The following NTM variants were observed in gnomAD, a reference collection of about 807,000 sequenced individuals.
The protein encoded by NTM is IgLON family member 2.
NTM carries 13 observed loss-of-function variants against 42.1 expected under a neutral mutation model. The ratio of observed to expected loss-of-function variants is 0.31; its 90% CI spans 0.20 to 0.49. NTM has a LOEUF of 0.49. Ranked by LOEUF, NTM falls within the 20% of genes least tolerant of loss-of-function variation. NTM has a pLI of 0.99. For synonymous variants in NTM, 187 were observed against 179.2 expected (o/e 1.04, Z -0.35); for missense variants, 373 against 452.8 (o/e 0.82, Z 1.60).
intron 4 of NTM, among the ~76,000 whole-genome samples, chr11:132,221,706 C>G (rs776988149): frequency 6.6e-6 from 1 of 152,186 alleles, no homozygotes; most frequent in African/African-American, 2.4e-5. Context: ...TAAATGTGCT[C>G]TGTGCCCAGC....
At chr11:132,320,900 C>A (rs1406607647) in intron 7 of NTM, among the ~76,000 whole-genome samples, 1 of 150,856 alleles carries the variant, frequency 6.6e-6, no homozygotes, top group Non-Finnish European at 1.5e-5. Flanking sequence ...TGGGAGGCAC[C>A]CCCCAGCAGG....
chr11:131,432,685 C>T (rs186636298), intron 1 of NTM, among the ~76,000 whole-genome samples: 3 of 152,124 alleles, frequency 2.0e-5, no homozygotes, highest in African/African-American at 7.2e-5. Flanking sequence ...ACTTTACTCT[C>T]CTCATCCAAG....
At chr11:131,890,771 C>T (rs748163774) in intron 1 of NTM, among the ~76,000 whole-genome samples, 4 of 152,146 alleles carry the variant, frequency 2.6e-5, no homozygotes, top group Non-Finnish European at 5.9e-5. Context: ...GCCACCCGGA[C>T]GCATGCTAAG....
chr11:131,912,347 A>G (rs2055312725), intron 2 of NTM, among the ~76,000 whole-genome samples: 1 of 152,152 alleles, frequency 6.6e-6, no homozygotes, highest in Admixed American at 6.5e-5. Flanking sequence ...TCTACTGAAG[A>G]GAAACTAGGT....
chr11:131,588,834 G>T (rs759904346), intron 1 of NTM, among the ~76,000 whole-genome samples: 3 of 152,174 alleles, frequency 2.0e-5, no homozygotes, highest in Non-Finnish European at 4.4e-5. Context: ...TGTTAAATGG[G>T]GTAAAGACAT....
At chr11:131,721,461 T>C (rs1005856600) in intron 1 of NTM, among the ~76,000 whole-genome samples, 2 of 152,258 alleles carry the variant, frequency 1.3e-5, no homozygotes, top group East Asian at 3.9e-4. Context: ...AATGAGATAA[T>C]GCTTATACTA....
At chr11:132,149,163 A>G (rs577792247) in intron 3 of NTM, among the ~76,000 whole-genome samples, 1 of 151,814 alleles carries the variant, frequency 6.6e-6, no homozygotes, top group Non-Finnish European at 1.5e-5. Context: ...AAGCGATCAG[A>G]CAAACTAAAT....
chr11:131,847,603 C>T (rs913012663), intron 1 of NTM, among the ~76,000 whole-genome samples: 21 of 152,094 alleles, frequency 1.4e-4, no homozygotes, highest in African/African-American at 4.8e-4. Flanking sequence ...TCCCTCTTCT[C>T]CCCACTTGTT....
chr11:131,671,424 C>G (rs2070209140), intron 1 of NTM: 2 of 985,350 alleles, frequency 2.0e-6, no homozygotes, highest in African/African-American at 1.7e-5. Context: ...GGATCCACCA[C>G]AGCTCCTGCT....
intron 1 of NTM, among the ~76,000 whole-genome samples, chr11:131,607,675 C>T (rs1339845208): frequency 6.6e-6 from 1 of 152,098 alleles, no homozygotes; most frequent in Non-Finnish European, 1.5e-5. Context: ...AACACTCATG[C>T]TTTTGTCTAT....
At chr11:131,834,364 C>T (rs2043201440) in intron 1 of NTM, among the ~76,000 whole-genome samples, 1 of 152,054 alleles carries the variant, frequency 6.6e-6, no homozygotes, top group Admixed American at 6.6e-5. Flanking sequence ...TCCATGGTTT[C>T]TGCATCTAAC....
intron 3 of NTM, among the ~76,000 whole-genome samples, chr11:132,206,772 C>T (rs1037903310): frequency 6.6e-6 from 1 of 152,200 alleles, no homozygotes; most frequent in African/African-American, 2.4e-5. Flanking sequence ...ACCTGTTTCT[C>T]ATTTGTTGAG....
intron 6 of NTM, among the ~76,000 whole-genome samples, chr11:132,311,242 G>GTCTC (rs1260026121): frequency 6.6e-6 from 1 of 152,170 alleles, no homozygotes; most frequent in Non-Finnish European, 1.5e-5. Context: ...GCTCTTTCTA[G>GTCTC]TCTCTAGATC....
chr11:131,979,578 A>C (rs1222708221), intron 2 of NTM, among the ~76,000 whole-genome samples: 3 of 152,206 alleles, frequency 2.0e-5, no homozygotes, highest in African/African-American at 4.8e-5. Context: ...TAATTAAGAT[A>C]TGATCTGCCA....
chr11:131,515,658 C>G (rs975555925), intron 1 of NTM, among the ~76,000 whole-genome samples: 18 of 152,182 alleles, frequency 1.2e-4, no homozygotes, highest in Non-Finnish European at 2.4e-4. Context: ...GCCTTGGAAG[C>G]CAACCCTGGT....
chr11:132,127,841 A>G (rs2066113130), intron 2 of NTM, among the ~76,000 whole-genome samples: 1 of 152,172 alleles, frequency 6.6e-6, no homozygotes, highest in South Asian at 2.1e-4. Context: ...AAAGAGTGTC[A>G]TGCCGGCAGA....
chr11:131,633,392 A>G (rs1441841296), intron 1 of NTM, among the ~76,000 whole-genome samples: 1 of 152,168 alleles, frequency 6.6e-6, no homozygotes, highest in African/African-American at 2.4e-5. Context: ...ATTAATTATC[A>G]TGGCTTGATT....
At chr11:131,413,752 C>T (rs777271778) in intron 1 of NTM, among the ~76,000 whole-genome samples, 18 of 152,110 alleles carry the variant, frequency 1.2e-4, no homozygotes, top group Non-Finnish European at 2.2e-4. Context: ...ATGTTCCTGC[C>T]GTGTGGGCAG....
intron 1 of NTM, chr11:131,539,436 A>C (rs1435093401): frequency 6.6e-6 from 1 of 152,258 alleles, no homozygotes; most frequent in Admixed American, 6.5e-5. Flanking sequence ...GTGGGGCTGG[A>C]AAGGGGTTCA....
Sources: gnomAD v4.1 joint callset for allele counts (sites outside exome capture counted in the v4.1 genomes callset) on GRCh38, gnomAD v4.1.1 for gene constraint, MANE v1.5 for transcripts, NCBI Gene and HGNC (gene_info 2026-07-23, HGNC 2026-07-21) for gene names.